The following ARHGEF10 variants were observed in gnomAD, a reference collection of about 807,000 sequenced individuals.
ARHGEF10 encodes the protein Rho guanine nucleotide exchange factor 10.
A neutral mutation model predicts 147.4 loss-of-function variants in ARHGEF10; 140 were observed. That is an observed-to-expected ratio of 0.95 (90% CI 0.83 to 1.09). ARHGEF10 has a LOEUF of 1.09. Ranked by LOEUF, ARHGEF10 falls within the 50% of genes least tolerant of loss-of-function variation. ARHGEF10 has a pLI of 0.00. For synonymous variants in ARHGEF10, 902 were observed against 695.8 expected, an observed-to-expected ratio of 1.30 and a Z score of -4.67; for missense variants, 2,222 against 1,752.7, an observed-to-expected ratio of 1.27 and a Z score of -4.78.
chr8:1,910,411 C>G (rs1359842119), intron 18 of ARHGEF10, among the ~76,000 whole-genome samples: 1 of 152,162 alleles, frequency 6.6e-6, no homozygotes, highest in East Asian at 1.9e-4. Context: ...AATAGTCATT[C>G]TGTTTGGTAA....
chr8:1,953,078 T>C (rs1815185445), intron 28 of ARHGEF10, among the ~76,000 whole-genome samples: 1 of 152,282 alleles, frequency 6.6e-6, no homozygotes, highest in African/African-American at 2.4e-5. Context: ...AGAATTAGTT[T>C]CCATCATTCC....
chr8:1,859,662 A>G (rs1287741386), intron 3 of ARHGEF10, among the ~76,000 whole-genome samples: 1 of 152,128 alleles, frequency 6.6e-6, no homozygotes, highest in Non-Finnish European at 1.5e-5. Flanking sequence ...AGCTCATGGG[A>G]TGAGCCTCCT....
At chr8:1,864,712 C>G (rs1182817743) in intron 5 of ARHGEF10, among the ~76,000 whole-genome samples, 1 of 152,214 alleles carries the variant, frequency 6.6e-6, no homozygotes, top group African/African-American at 2.4e-5. Flanking sequence ...GTTGCTTTCC[C>G]TCATTTGCTT....
chr8:1,897,446 C>T (rs1485836770), intron 14 of ARHGEF10, among the ~76,000 whole-genome samples: 4 of 149,868 alleles, frequency 2.7e-5, no homozygotes, highest in African/African-American at 1.0e-4. Flanking sequence ...TCGCAGTTCC[C>T]ACTCTCGACA....
At chr8:1,929,970 C>G (rs764657176) in intron 25 of ARHGEF10, among the ~76,000 whole-genome samples, 8 of 152,194 alleles carry the variant, frequency 5.3e-5, no homozygotes, top group Admixed American at 1.3e-4. Flanking sequence ...GGGTGGGCAG[C>G]TGCTGTGTGT....
chr8:1,859,902 G>T lies in ARHGEF10; in HGVS notation c.199G>T (p.Glu67Ter). The T allele has an allele frequency of 6.2e-7, 1 of 1,614,112 alleles. No homozygotes were observed. The highest frequency in any genetic ancestry group is 8.5e-7 in the Non-Finnish European group (1 of 1,180,024). ...ASEAPAPTGG[E>*]DGAGAETTPV... ...AGTCCTTTCTGCATCCCCAGGAGGT[G>T]AGGATGGAGCTGGAGCAGAAACCAC... The change falls in exon 4 of 29, where the codon GAG becomes TAG. Residue 67 changes from glutamate (E) to a stop codon, truncating the protein, a stop_gained. Coordinates refer to ENST00000349830, the MANE Select transcript of ARHGEF10 (RefSeq NM_014629.4). LOFTEE classifies it high-confidence loss of function.
chr8:1,893,243 C>CT, intron 11 of ARHGEF10, among the ~76,000 whole-genome samples: 1 of 152,122 alleles, frequency 6.6e-6, no homozygotes, highest in Non-Finnish European at 1.5e-5. Context: ...GAAGTATCAT[C>CT]TACCTGAATG....
chr8:1,951,921 A>ACCGTGAGGCGGGGTCTTCCCTGTAACCG lies in ARHGEF10; in HGVS notation c.3398-766_3398-739dup, dbSNP rs1563333811. ...GTGAGGTGGGGTCTTCCTTGTAGCC[A>ACCGTGAGGCGGGGTCTTCCCTGTAACCG]CCGTGAGGCGGGGTCTTCCCTGTAA... On this transcript the variant is annotated intron_variant, in intron 27 of 28. Coordinates refer to ENST00000349830, the MANE Select transcript of ARHGEF10 (RefSeq NM_014629.4). Among the ~76,000 whole-genome samples, 438 of 152,246 alleles carry ACCGTGAGGCGGGGTCTTCCCTGTAACCG rather than the reference A, an allele frequency of 2.9e-3. 4 individuals carry two copies. Among genetic ancestry groups the ACCGTGAGGCGGGGTCTTCCCTGTAACCG allele is most frequent in the African/African-American group, 9.1e-3 (378 of 41,542 alleles).
At position 1,905,139 on chromosome 8, in the gene ARHGEF10, A is replaced by G. The variant is rs577752553; in HGVS notation, c.1822-432A>G. 9.9e-5 allele frequency among the ~76,000 whole-genome samples: 15 copies of G among 152,224 alleles called. No homozygotes were observed. The East Asian group carries it at 2.7e-3, about 27-fold the overall frequency. On this transcript the variant is annotated intron_variant, in intron 16 of 28. Transcript: ENST00000349830. The stretch of plus-strand genomic sequence containing the variant: ...GCGAGGCTTGGTCTCAGAACAAACA[A>G]ACAAAAAAGGTAGTGTGACTTCTAC...
At chr8:1,843,205 T>C (rs1804228078) in intron 1 of ARHGEF10, 148 bp from the exon 2 acceptor site, 1 of 645,344 alleles carries the variant, frequency 1.5e-6, no homozygotes, top group Non-Finnish European at 2.8e-6. Flanking sequence ...CAAGTATTCA[T>C]GACTAATAGG....
chr8:1,956,877 G>A lies in ARHGEF10; in HGVS notation c.3649G>A (p.Glu1217Lys), dbSNP rs1261559964. ...GGCTCCTGGCCCCGAGCCTCAGGAC[G>A]AAGACCAGAAGGACGCACTTCCGAG... ...SLAPGPEPQD[E>K]DQKDALPSGG... Residue 1217 changes from glutamate to lysine, a missense_variant, in exon 29 of 29, where the codon GAA (glutamate) becomes AAA (lysine). Glu to Lys is a moderately conservative substitution (Grantham distance 56). Coordinates refer to ENST00000349830, the MANE Select transcript of ARHGEF10 (RefSeq NM_014629.4). The A allele has an allele frequency of 8.1e-6, 13 of 1,613,982 alleles. No homozygotes were observed. Among genetic ancestry groups the A allele is most frequent in the African/African-American group, 2.7e-5 (2 of 74,928 alleles).
intron 5 of ARHGEF10, among the ~76,000 whole-genome samples, chr8:1,865,921 C>T (rs1026555972): frequency 6.6e-6 from 1 of 152,202 alleles, no homozygotes; most frequent in Non-Finnish European, 1.5e-5. Context: ...AGTGGTGCCT[C>T]TCATGGGGCG....
At chr8:1,928,939 G>T (rs1483631653) in intron 24 of ARHGEF10, among the ~76,000 whole-genome samples, 2 of 152,136 alleles carry the variant, frequency 1.3e-5, no homozygotes, top group Non-Finnish European at 2.9e-5. Context: ...GTTTTGAAAA[G>T]GACATTCCCC....
At chr8:1,893,760 T>C in intron 12 of ARHGEF10, 114 bp downstream of exon 12, 1 of 867,436 alleles carries the variant, frequency 1.2e-6, no homozygotes, top group Non-Finnish European at 1.9e-6. Flanking sequence ...ACATGCAAAT[T>C]TGCAAAATTC....
At chr8:1,851,340 A>C (rs1035035966) in intron 2 of ARHGEF10, among the ~76,000 whole-genome samples, 3 of 149,280 alleles carry the variant, frequency 2.0e-5, no homozygotes, top group African/African-American at 7.5e-5. Context: ...GGCCTCACGC[A>C]CACCGTGGGC....
intron 21 of ARHGEF10, 110 bp from the exon 22 acceptor site, chr8:1,925,173 C>G (rs1812588371): frequency 1.5e-6 from 2 of 1,348,078 alleles, no homozygotes; most frequent in Non-Finnish European, 2.1e-6. Context: ...TTGTCTGGCC[C>G]TGTACAAACA....
At chr8:1,892,999 GA>G (rs1259086690) in intron 11 of ARHGEF10, among the ~76,000 whole-genome samples, 1 of 142,404 alleles carries the variant, frequency 7.0e-6, no homozygotes, top group Non-Finnish European at 1.5e-5. Flanking sequence ...AGATTGTAGA[GA>G]TTTTTTTTTT....
chr8:1,906,446 G>A (rs1286384389), intron 17 of ARHGEF10, among the ~76,000 whole-genome samples: 1 of 152,204 alleles, frequency 6.6e-6, no homozygotes, highest in Admixed American at 6.5e-5. Flanking sequence ...CCAACACGAT[G>A]TGTTAGGAGC....
At chr8:1,850,145 G>A (rs12541965) in intron 2 of ARHGEF10, among the ~76,000 whole-genome samples, 7 of 44,106 alleles carry the variant, frequency 1.6e-4, no homozygotes, top group East Asian at 5.0e-4. Flanking sequence ...TGAGGAGGGT[G>A]TGGGGCGGCC....
Sources: allele counts gnomAD v4.1 joint callset (sites outside exome capture counted in the v4.1 genomes callset), GRCh38; gene constraint gnomAD v4.1.1; transcripts MANE v1.5; gene names NCBI Gene and HGNC (gene_info 2026-07-23, HGNC 2026-07-21).